Variants in LRRC37A2 observed in about 807,000 individuals in gnomAD.
LRRC37A2 encodes the protein leucine-rich repeat-containing protein 37A2.
LRRC37A2 carries 9 observed loss-of-function variants against 68.8 expected under a neutral mutation model. The observed-to-expected ratio is 0.13, with a 90% CI of 0.08 to 0.23. LRRC37A2 has a LOEUF of 0.23. Ranked by LOEUF, LRRC37A2 falls within the 10% of genes least tolerant of loss-of-function variation. LRRC37A2 has a pLI of 1.00. For synonymous variants in LRRC37A2, 63 were observed against 367.6 expected, an observed-to-expected ratio of 0.17 and a Z score of 9.48; for missense variants, 168 against 950.4, an observed-to-expected ratio of 0.18 and a Z score of 10.82.
the LRRC37A2 span, among the ~76,000 whole-genome samples, chr17:46,911,760 T>C: frequency 6.6e-6 from 1 of 152,174 alleles, no homozygotes; most frequent in Admixed American, 6.5e-5. Flanking sequence ...GGCACACGCC[T>C]GTAGTCCCAG....
chr17:47,035,824 CGTT>C, the LRRC37A2 span, among the ~76,000 whole-genome samples: 1 of 152,276 alleles, frequency 6.6e-6, no homozygotes, highest in African/African-American at 2.4e-5. Context: ...TCAACACTGT[CGTT>C]GTCTGTCTCT....
chr17:46,963,040 G>A, the LRRC37A2 span, among the ~76,000 whole-genome samples: 1 of 152,196 alleles, frequency 6.6e-6, no homozygotes, highest in Non-Finnish European at 1.5e-5. Flanking sequence ...TAGAAGCAGG[G>A]CTTGAATCAA....
At chr17:46,948,602 A>C in the LRRC37A2 span, 1 of 152,250 alleles carries the variant, frequency 6.6e-6, no homozygotes, top group East Asian at 1.9e-4. Flanking sequence ...GAATGCTAAT[A>C]ATGGCCTACT....
the LRRC37A2 span, among the ~76,000 whole-genome samples, chr17:46,990,362 A>T: frequency 6.6e-6 from 1 of 152,212 alleles, no homozygotes; most frequent in Non-Finnish European, 1.5e-5. Flanking sequence ...GGTCCTATGT[A>T]ATTCACCTGA....
chr17:46,751,756 T>C, the LRRC37A2 span: 1 of 541,214 alleles, frequency 1.8e-6, no homozygotes, highest in Non-Finnish European at 3.3e-6. Flanking sequence ...TAATTTGGTA[T>C]TAGTAGCCTG....
At chr17:47,043,006 CAAT>C in the LRRC37A2 span, among the ~76,000 whole-genome samples, 961 of 150,424 alleles carry the variant, frequency 6.4e-3, 6 homozygotes, top group African/African-American at 0.021. Context: ...AAAAATAGGG[CAAT>C]AATAATATCT....
At chr17:46,807,204 C>T in the LRRC37A2 span, among the ~76,000 whole-genome samples, 3 of 152,108 alleles carry the variant, frequency 2.0e-5, no homozygotes, top group East Asian at 3.8e-4. Flanking sequence ...GAAAGAAGGC[C>T]GGGCCTGGTG....
At chr17:46,569,176 G>C in the LRRC37A2 span, among the ~76,000 whole-genome samples, 624 of 151,386 alleles carry the variant, frequency 4.1e-3, 2 homozygotes, top group African/African-American at 0.014. Flanking sequence ...TCCAACTCCT[G>C]ACCTCAGGTG....
At chr17:47,009,517 C>T in the LRRC37A2 span, among the ~76,000 whole-genome samples, 1 of 152,192 alleles carries the variant, frequency 6.6e-6, no homozygotes, top group African/African-American at 2.4e-5. Context: ...CATCTTCTCT[C>T]AGATTTTAAG....
At chr17:46,907,841 G>A in the LRRC37A2 span, among the ~76,000 whole-genome samples, 1 of 151,704 alleles carries the variant, frequency 6.6e-6, no homozygotes, top group Non-Finnish European at 1.5e-5. Context: ...GGGAGACAGA[G>A]TGAGACCCTG....
chr17:46,694,610 T>TG, the LRRC37A2 span: 1 of 1,464,076 alleles, frequency 6.8e-7, no homozygotes, highest in Non-Finnish European at 9.2e-7. Context: ...GGTGCTGAAT[T>TG]GGAGGGTCTG....
At chr17:46,894,260 G>C in the LRRC37A2 span, among the ~76,000 whole-genome samples, 2 of 152,198 alleles carry the variant, frequency 1.3e-5, no homozygotes, top group African/African-American at 4.8e-5. Flanking sequence ...CAATGGACTC[G>C]CAACCTCATG....
chr17:46,901,305 A>C, the LRRC37A2 span, among the ~76,000 whole-genome samples: 5,051 of 151,918 alleles, frequency 0.033, 92 homozygotes, highest in Middle Eastern at 0.071. Context: ...GGGATTACAG[A>C]CTTGCACCAT....
chr17:46,755,969 T>C, the LRRC37A2 span: 2 of 723,368 alleles, frequency 2.8e-6, no homozygotes, highest in African/African-American at 3.6e-5. Flanking sequence ...ATTAGTGCAA[T>C]AAAACTCCCT....
the LRRC37A2 span, among the ~76,000 whole-genome samples, chr17:46,896,452 A>AAGAAAGAAAGAAAGAAAGAGAAAG: frequency 4.6e-5 from 3 of 65,880 alleles, no homozygotes; most frequent in East Asian, 5.2e-4. Context: ...GAAAGAAAGA[A>AAGAAAGAAAGAAAGAAAGAGAAAG]AAAGAAAGAA....
chr17:46,966,134 G>A, the LRRC37A2 span, among the ~76,000 whole-genome samples: 3 of 152,154 alleles, frequency 2.0e-5, no homozygotes, highest in Non-Finnish European at 2.9e-5. Context: ...AGTAGCAGTA[G>A]TACTATTTCG....
At chr17:47,000,044 AAAAT>A in the LRRC37A2 span, among the ~76,000 whole-genome samples, 2 of 30,274 alleles carry the variant, frequency 6.6e-5, no homozygotes, top group South Asian at 3.7e-3. Flanking sequence ...AAAATAAAAT[AAAAT>A]AAAATAAAAT....
chr17:46,920,318 T>C, the LRRC37A2 span, among the ~76,000 whole-genome samples: 106 of 152,338 alleles, frequency 7.0e-4, no homozygotes, highest in African/African-American at 2.4e-3. Flanking sequence ...GTATGATTAG[T>C]TCTCCCAACA....
chr17:46,492,306 C>T, the LRRC37A2 span, among the ~76,000 whole-genome samples: 2 of 150,944 alleles, frequency 1.3e-5, no homozygotes, highest in Non-Finnish European at 2.9e-5. Flanking sequence ...TTAGTTTATA[C>T]GTGTACAGTG....
Sources: allele counts gnomAD v4.1 joint callset (sites outside exome capture counted in the v4.1 genomes callset), GRCh38; gene constraint gnomAD v4.1.1; transcripts MANE v1.5; gene names NCBI Gene and HGNC (gene_info 2026-07-23, HGNC 2026-07-21).